Variants in GSTO2 observed in about 807,000 individuals in gnomAD.
GSTO2 encodes the protein glutathione S-transferase omega-2.
In GSTO2, 23 loss-of-function variants were observed where a neutral mutation model predicts 28.4. That is an observed-to-expected ratio of 0.81 (90% CI 0.58 to 1.15). GSTO2 has a LOEUF of 1.15. Among genes scored for constraint, GSTO2 ranks in the 50% most tolerant of loss-of-function variants. GSTO2 has a pLI of 0.00. For synonymous variants in GSTO2, 109 were observed against 111.0 expected (o/e 0.98, Z 0.11); for missense variants, 298 against 297.8 (o/e 1.00, Z 0.00).
chr10:104,271,061 C>T (rs770439212), intron 1 of GSTO2, among the ~76,000 whole-genome samples: 6 of 152,130 alleles, frequency 3.9e-5, no homozygotes, highest in Non-Finnish European at 7.4e-5. Context: ...AAGGTATAAA[C>T]ATGAAATAAC....
At chr10:104,293,169 G>A (rs2012855939) in intron 5 of GSTO2, among the ~76,000 whole-genome samples, 1 of 152,182 alleles carries the variant, frequency 6.6e-6, no homozygotes, top group Admixed American at 6.5e-5. Flanking sequence ...CAGAGAGCAT[G>A]AAAAGGTGAG....
At position 104,275,327 on chromosome 10, in the gene GSTO2, G is replaced by T. The variant is rs1348122012; in HGVS notation, c.136G>T (p.Asp46Tyr). The T allele has an allele frequency of 2.2e-5, 35 of 1,613,768 alleles. No homozygotes were observed. The East Asian group carries it at 7.8e-4, about 36-fold the overall frequency. The change falls in exon 3 of 7, where the codon GAC becomes TAC. Residue 46 changes from aspartate to tyrosine, a missense_variant. Physicochemically the swap from Asp to Tyr is radical, Grantham distance 160 (BLOSUM62 -3). Transcript: ENST00000338595. ...HRTRLVLKAK[D>Y]IRHEVVNINL... ...GACCCGCCTCGTCCTCAAGGCCAAA[G>T]ACATCAGGTGAGAAGCGGGAACCCA...
chr10:104,290,724 A>G (rs1487646926), intron 5 of GSTO2, among the ~76,000 whole-genome samples: 1 of 152,176 alleles, frequency 6.6e-6, no homozygotes, highest in Non-Finnish European at 1.5e-5. Flanking sequence ...AGAGAGTAGA[A>G]GGATAGTTTG....
At chr10:104,283,114 A>T (rs1222004609) in intron 5 of GSTO2, among the ~76,000 whole-genome samples, 1 of 152,236 alleles carries the variant, frequency 6.6e-6, no homozygotes, top group Non-Finnish European at 1.5e-5. Flanking sequence ...CTGGCAAAAG[A>T]TGTGGGCAGC....
intron 3 of GSTO2, 81 bp downstream of exon 3, chr10:104,275,415 T>C (rs1338575171): frequency 7.7e-7 from 1 of 1,293,358 alleles, no homozygotes; most frequent in Non-Finnish European, 1.1e-6. Flanking sequence ...TGGGGCGCCC[T>C]GCTCAGCTTT....
chr10:104,285,348 C>T (rs967207882), intron 5 of GSTO2, among the ~76,000 whole-genome samples: 4 of 152,054 alleles, frequency 2.6e-5, no homozygotes, highest in Admixed American at 6.6e-5. Context: ...GGCTCACTGT[C>T]GTCTTGAGCT....
intron 5 of GSTO2, among the ~76,000 whole-genome samples, chr10:104,281,092 A>G (rs960316026): frequency 6.6e-6 from 1 of 152,180 alleles, no homozygotes. Flanking sequence ...GTGTAAAATG[A>G]GGGATTATTT....
intron 4 of GSTO2, 57 bp downstream of exon 4, chr10:104,278,173 A>T (rs1267104823): frequency 7.3e-7 from 1 of 1,366,442 alleles, no homozygotes; most frequent in Non-Finnish European, 1.0e-6. Context: ...GTCTTTCCCA[A>T]ACCTCAACCC....
intron 5 of GSTO2, among the ~76,000 whole-genome samples, chr10:104,285,756 C>A (rs78680728): frequency 0.061 from 9,298 of 152,240 alleles, 967 homozygotes; most frequent in African/African-American, 0.21. Flanking sequence ...GCATGAGCCA[C>A]TGCACCTGGT....
At chr10:104,295,249 G>C (rs1324090648) in intron 5 of GSTO2, 1 of 152,212 alleles carries the variant, frequency 6.6e-6, no homozygotes. Context: ...TCTGTTTTGA[G>C]TTTTCACTGG....
At chr10:104,290,378 G>A (rs188383788) in intron 5 of GSTO2, among the ~76,000 whole-genome samples, 14 of 152,118 alleles carry the variant, frequency 9.2e-5, no homozygotes, top group African/African-American at 3.4e-4. Flanking sequence ...GGTAGTGCAT[G>A]CCTGGAATCC....
chr10:104,276,035 G>A (rs1310288750), intron 3 of GSTO2, among the ~76,000 whole-genome samples: 2 of 152,202 alleles, frequency 1.3e-5, no homozygotes, highest in Non-Finnish European at 2.9e-5. Context: ...GGAGGGCAGA[G>A]CAGCTTTGCT....
Position 104,269,206 on chromosome 10 carries a change from C to T in GSTO2, c.-295C>T, listed in dbSNP as rs543742031. 6.5e-6 allele frequency: 1 copy of T among 152,698 alleles called. No individual in the cohort carries two copies. Among genetic ancestry groups the T allele is most frequent in the South Asian group, 2.1e-4 (1 of 4,838 alleles). The allele number at this position is 152,698 out of a possible 1,614,324, so 9.5% of individuals were successfully genotyped here. A position where few individuals can be genotyped will look rare whatever the true frequency, so the allele number is the denominator to read the frequency against. On this transcript the variant is annotated 5_prime_UTR_variant, in exon 1 of 7. Coordinates refer to ENST00000338595, the MANE Select transcript of GSTO2 (RefSeq NM_183239.2). ...CGCCTCCTTGCTGCTGCTGCCGCCG[C>T]CAATCCTGGTCCGGTTGCCCGAGTT...
intron 5 of GSTO2, among the ~76,000 whole-genome samples, chr10:104,282,261 T>C (rs1589863838): frequency 6.9e-6 from 1 of 144,444 alleles, no homozygotes. Flanking sequence ...AAAGAAAAAG[T>C]ATTCAGCCCA....
At chr10:104,297,436 A>C (rs771121833) in intron 5 of GSTO2, 142 bp from the exon 6 acceptor site, 1 of 558,922 alleles carries the variant, frequency 1.8e-6, no homozygotes, top group Non-Finnish European at 3.2e-6. Flanking sequence ...GAAAGAGAAG[A>C]AGCATTCTCC....
chr10:104,276,267 C>A (rs1311261351), intron 3 of GSTO2, among the ~76,000 whole-genome samples: 2 of 152,182 alleles, frequency 1.3e-5, no homozygotes. Flanking sequence ...CACATTCTTC[C>A]CTTTTGCTCA....
At chr10:104,284,811 A>T (rs2012317323) in intron 5 of GSTO2, among the ~76,000 whole-genome samples, 1 of 152,162 alleles carries the variant, frequency 6.6e-6, no homozygotes. Flanking sequence ...TGAAAGGTGG[A>T]TTTGGTCAGA....
intron 5 of GSTO2, among the ~76,000 whole-genome samples, chr10:104,284,996 T>C (rs572979101): frequency 1.3e-5 from 2 of 152,290 alleles, no homozygotes; most frequent in East Asian, 3.9e-4. Flanking sequence ...GGATGAGACA[T>C]GGCCCAGCAA....
chr10:104,275,466 AC>A lies in GSTO2; in HGVS notation c.143+133del, dbSNP rs2011589548. ...GTCCCTTTTTTCGGAGGCAAAGTCA[AC>A]AAATAGCAAAGGGCGAGCTTTTTTT... On this transcript the variant is annotated intron_variant, in intron 3 of 6. Coordinates refer to ENST00000338595, the MANE Select transcript of GSTO2 (RefSeq NM_183239.2). 3 of 728,194 alleles carry A rather than the reference AC, an allele frequency of 4.1e-6. No homozygotes were observed. In the Admixed American group the frequency reaches 8.9e-5, roughly 22 times the overall value. 45.1% of individuals were successfully genotyped at this position (728,194 alleles called of 1,614,324 possible). A position where few individuals can be genotyped will look rare whatever the true frequency, so the allele number is the denominator to read the frequency against.
Sources: gnomAD v4.1 joint callset for allele counts (sites outside exome capture counted in the v4.1 genomes callset) on GRCh38, gnomAD v4.1.1 for gene constraint, MANE v1.5 for transcripts, NCBI Gene and HGNC (gene_info 2026-07-23, HGNC 2026-07-21) for gene names.